The following COA1 variants were observed in gnomAD, a reference collection of about 807,000 sequenced individuals.
COA1 encodes cytochrome c oxidase assembly factor 1 homolog.
In COA1, 13 loss-of-function variants were observed where a neutral mutation model predicts 16.0. The ratio of observed to expected loss-of-function variants is 0.81; its 90% CI spans 0.53 to 1.29. COA1 has a LOEUF of 1.29. Among genes scored for constraint, COA1 ranks in the 50% most tolerant of loss-of-function variants. The pLI, the probability that COA1 is intolerant of heterozygous loss-of-function variation, is 0.00. For missense variants in COA1, 179 were observed against 177.0 expected (o/e 1.01, Z -0.06); for synonymous variants, 65 against 65.7 (o/e 0.99, Z 0.05).
intron 1 of COA1, among the ~76,000 whole-genome samples, chr7:43,696,172 T>G (rs956913107): frequency 9.9e-5 from 15 of 152,150 alleles, no homozygotes; most frequent in African/African-American, 3.6e-4. Context: ...CTTTCCAAAC[T>G]TCATAAATAA....
At chr7:43,704,315 G>C (rs1397621760) in intron 1 of COA1, among the ~76,000 whole-genome samples, 1 of 152,076 alleles carries the variant, frequency 6.6e-6, no homozygotes, top group Non-Finnish European at 1.5e-5. Context: ...TATAGTATGT[G>C]GGTATGGTAC....
chr7:43,729,074 G>T (rs1359931555), intron 1 of COA1, among the ~76,000 whole-genome samples: 1 of 152,216 alleles, frequency 6.6e-6, no homozygotes, highest in African/African-American at 2.4e-5. Context: ...ACTCCTCAGG[G>T]TGTTGAAATT....
intron 1 of COA1, among the ~76,000 whole-genome samples, chr7:43,690,866 C>T (rs2094246188): frequency 6.6e-6 from 1 of 151,902 alleles, no homozygotes; most frequent in Non-Finnish European, 1.5e-5. Context: ...ATCCTCTTCC[C>T]TATAACTGGA....
chr7:43,698,523 A>G (rs2094599419), intron 1 of COA1, among the ~76,000 whole-genome samples: 1 of 152,190 alleles, frequency 6.6e-6, no homozygotes, highest in Non-Finnish European at 1.5e-5. Context: ...TAATATTTAT[A>G]TAATACCTTT....
intron 2 of COA1, 106 bp from the exon 3 acceptor site, chr7:43,647,740 A>G: frequency 1.2e-6 from 1 of 818,704 alleles, no homozygotes. Flanking sequence ...GAAGCCAGAA[A>G]GGAGGCCAGA....
chr7:43,727,518 A>G (rs920670580), intron 1 of COA1, among the ~76,000 whole-genome samples: 1 of 152,194 alleles, frequency 6.6e-6, no homozygotes, highest in African/African-American at 2.4e-5. Context: ...CCCATAAAAG[A>G]TTAACCAGCA....
intron 1 of COA1, among the ~76,000 whole-genome samples, chr7:43,720,457 C>G (rs1261225737): frequency 6.6e-6 from 1 of 151,550 alleles, no homozygotes; most frequent in Non-Finnish European, 1.5e-5. Context: ...CAGAAACTTA[C>G]AAACTTTCTC....
chr7:43,659,457 C>CA, intron 1 of COA1, among the ~76,000 whole-genome samples: 1 of 152,290 alleles, frequency 6.6e-6, no homozygotes, highest in East Asian at 1.9e-4. Flanking sequence ...TTTTAAACCA[C>CA]AGCAAGAAGG....
intron 1 of COA1, among the ~76,000 whole-genome samples, chr7:43,671,798 G>A (rs976870506): frequency 6.6e-6 from 1 of 152,144 alleles, no homozygotes; most frequent in Non-Finnish European, 1.5e-5. Context: ...TCGTGATAGT[G>A]AGTCTCATGA....
chr7:43,642,315 T>C (rs2087380751), intron 4 of COA1, among the ~76,000 whole-genome samples: 1 of 152,152 alleles, frequency 6.6e-6, no homozygotes, highest in South Asian at 2.1e-4. Context: ...CCGGGCATGG[T>C]GGCGCACACC....
At chr7:43,724,901 G>A (rs2095582716) in intron 1 of COA1, among the ~76,000 whole-genome samples, 1 of 152,212 alleles carries the variant, frequency 6.6e-6, no homozygotes, top group Non-Finnish European at 1.5e-5. Flanking sequence ...TGGAAAGAGG[G>A]AGGAACGGAG....
chr7:43,616,145 C>T (rs574534763), intron 6 of COA1, among the ~76,000 whole-genome samples: 25 of 152,222 alleles, frequency 1.6e-4, no homozygotes, highest in Non-Finnish European at 3.1e-4. Flanking sequence ...TTTTACCCTT[C>T]AGGGTCTGCT....
chr7:43,643,660 G>A (rs892286771), intron 4 of COA1, among the ~76,000 whole-genome samples: 20 of 152,162 alleles, frequency 1.3e-4, no homozygotes, highest in Admixed American at 9.8e-4. Flanking sequence ...TGGATGCCAC[G>A]ATGGCTTCAC....
intron 1 of COA1, among the ~76,000 whole-genome samples, chr7:43,691,477 G>GA (rs1170433873): frequency 5.3e-5 from 7 of 131,626 alleles, no homozygotes; most frequent in Non-Finnish European, 7.9e-5. Context: ...AAGAAAGAAA[G>GA]AAATTATCAT....
chr7:43,642,274 C>A (rs2087363982), intron 4 of COA1: 1 of 152,244 alleles, frequency 6.6e-6, no homozygotes, highest in African/African-American at 2.4e-5. Context: ...TATGGCAAAA[C>A]CCCATCTCTA....
chr7:43,725,229 A>G (rs940221997), intron 1 of COA1, among the ~76,000 whole-genome samples: 3 of 149,244 alleles, frequency 2.0e-5, no homozygotes, highest in Non-Finnish European at 3.0e-5. Flanking sequence ...CATGAACGAA[A>G]CTCCATCTCA....
intron 1 of COA1, chr7:43,649,709 C>T (rs2090365982): frequency 6.6e-6 from 1 of 152,212 alleles, no homozygotes; most frequent in Non-Finnish European, 1.5e-5. Flanking sequence ...TTGTAGGGCA[C>T]CATGCACATT....
chr7:43,626,043 G>C (rs1028853867), intron 6 of COA1: 1 of 152,200 alleles, frequency 6.6e-6, no homozygotes, highest in Non-Finnish European at 1.5e-5. Flanking sequence ...ATATGGAAAT[G>C]TAAAAGTGTA....
intron 1 of COA1, among the ~76,000 whole-genome samples, chr7:43,675,680 TTTACA>T (rs1200389693): frequency 6.6e-6 from 1 of 152,116 alleles, no homozygotes; most frequent in Non-Finnish European, 1.5e-5. Flanking sequence ...AACTTTAATT[TTTACA>T]TGTAACAAAT....
Sources: allele counts gnomAD v4.1 joint callset (sites outside exome capture counted in the v4.1 genomes callset), GRCh38; gene constraint gnomAD v4.1.1; transcripts MANE v1.5; gene names NCBI Gene and HGNC (gene_info 2026-07-23, HGNC 2026-07-21).